The following STK24 variants were observed in gnomAD, a reference collection of about 807,000 sequenced individuals.
STK24 encodes serine/threonine kinase 24, also known as serine/threonine-protein kinase 24.
In STK24, 21 loss-of-function variants were observed where a neutral mutation model predicts 55.6. The observed-to-expected ratio is 0.38, with a 90% CI of 0.27 to 0.54. The LOEUF (loss-of-function observed/expected upper bound fraction) is 0.54, where lower values mean the gene tolerates loss of function less well. Among genes scored for constraint, STK24 ranks in the 20% least tolerant of loss-of-function variants. STK24 has a pLI of 0.79. For synonymous variants in STK24, 200 were observed against 215.2 expected (o/e 0.93, Z 0.62); for missense variants, 383 against 538.4 (o/e 0.71, Z 2.86).
At chr13:98,573,870 T>C (rs1897804709) in intron 1 of STK24, among the ~76,000 whole-genome samples, 1 of 152,200 alleles carries the variant, frequency 6.6e-6, no homozygotes, top group Non-Finnish European at 1.5e-5. Context: ...TAATATCATC[T>C]ACATCTCAAA....
chr13:98,445,981 A>C lies in STK24; in HGVS notation c.*7192T>G. On this transcript the variant is annotated 3_prime_UTR_variant, in exon 11 of 11. Transcript: ENST00000539966. The stretch of plus-strand genomic sequence containing the variant: ...ACACGGGGGAGCGGGGGTGGGGCCC[A>C]CATCCTTCAGTCACGGACATGCCCC... The C allele has an allele frequency of 1.5e-6, 1 of 676,162 alleles. No individual in the cohort carries two copies. Among genetic ancestry groups the C allele is most frequent in the East Asian group, 2.7e-5 (1 of 37,132 alleles). The allele number at this position is 676,162 out of a possible 1,614,324, so 41.9% of individuals were successfully genotyped here.
intron 2 of STK24, among the ~76,000 whole-genome samples, chr13:98,509,599 T>C (rs887567685): frequency 4.6e-5 from 7 of 152,244 alleles, no homozygotes; most frequent in African/African-American, 1.2e-4. Flanking sequence ...CAAGTTTAAC[T>C]TTCTCATACC....
intron 1 of STK24, among the ~76,000 whole-genome samples, chr13:98,520,272 A>C (rs1269451006): frequency 6.6e-6 from 1 of 152,220 alleles, no homozygotes; most frequent in Non-Finnish European, 1.5e-5. Context: ...GATGTTTAGC[A>C]AGGCAAGACA....
At position 98,450,029 on chromosome 13, in the gene STK24, TTATTTC is replaced by T. The variant is rs1239640751; in HGVS notation, c.*3138_*3143del. 21 of 83,626 alleles carry T rather than the reference TTATTTC, an allele frequency of 2.5e-4. No individual in the cohort carries two copies. Among genetic ancestry groups the T allele is most frequent in the African/African-American group, 7.3e-4 (18 of 24,784 alleles). The allele number at this position is 83,626 out of a possible 1,614,324, so 5.2% of individuals were successfully genotyped here. ...GGGACAAGGCAGTCTCCTCAGCTAT[TTATTTC>T]TGAATGATTGATTGATTCCAAACTA... On this transcript the variant is annotated 3_prime_UTR_variant, in exon 11 of 11. Coordinates refer to ENST00000539966, the MANE Select transcript of STK24 (RefSeq NM_001032296.4).
intron 1 of STK24, among the ~76,000 whole-genome samples, chr13:98,575,793 T>G (rs1439950668): frequency 6.6e-6 from 1 of 152,190 alleles, no homozygotes; most frequent in Non-Finnish European, 1.5e-5. Context: ...ATTTCCATCC[T>G]AAGCATTTTG....
At chr13:98,564,579 C>T (rs557875852) in intron 1 of STK24, among the ~76,000 whole-genome samples, 38 of 152,324 alleles carry the variant, frequency 2.5e-4, no homozygotes, top group Admixed American at 3.3e-4. Flanking sequence ...GAGTTTTAGG[C>T]TGGCGTCTAC....
intron 6 of STK24, among the ~76,000 whole-genome samples, chr13:98,465,497 T>C (rs1306219356): frequency 6.6e-6 from 1 of 152,206 alleles, no homozygotes; most frequent in Non-Finnish European, 1.5e-5. Flanking sequence ...ATGCAGAGCA[T>C]CGTGGCATGC....
rs2094855396 is a variant in STK24, at chr13:98,499,245, A to G, written c.274-16924T>C. ...AAAGCAAGACTCTATCTCAAAAAAA[A>G]AAACCAGCTTCAAGTAAGGGCCTAA... is the stretch of plus-strand genomic sequence containing the variant. On this transcript the variant is annotated intron_variant, in intron 2 of 10. Transcript: ENST00000539966. Among the ~76,000 whole-genome samples, 31 of 152,062 alleles carry G rather than the reference A, an allele frequency of 2.0e-4. 1 individual carries two copies. The highest frequency in any genetic ancestry group is 2.0e-3 in the Admixed American group (31 of 15,272).
intron 1 of STK24, among the ~76,000 whole-genome samples, chr13:98,561,964 TGAGA>T (rs1897433129): frequency 8.8e-6 from 1 of 113,366 alleles, no homozygotes; most frequent in African/African-American, 3.6e-5. Context: ...GTCAACAGAG[TGAGA>T]CTCCGTCTCA....
chr13:98,467,053 C>G (rs745638), intron 5 of STK24, among the ~76,000 whole-genome samples: 38,305 of 152,116 alleles, frequency 0.25, 4,975 homozygotes, highest in Non-Finnish European at 0.29. Flanking sequence ...CCTCTGAGCC[C>G]TGTTTCTCTC....
rs1893007954 is a variant in STK24, at chr13:98,448,534, G to A, written c.*4639C>T. ...TCCAGTCCTGGCATCCGCTGGGGGCGCTGTTCTTTAGCTAGTGCCAGTATT... is the reference window on the plus strand; with the variant it reads ...TCCAGTCCTGGCATCCGCTGGGGGCACTGTTCTTTAGCTAGTGCCAGTATT... On this transcript the variant is annotated 3_prime_UTR_variant, in exon 11 of 11. Coordinates refer to ENST00000539966, the MANE Select transcript of STK24 (RefSeq NM_001032296.4). The A allele has an allele frequency of 3.6e-6, 2 of 561,692 alleles. No individual in the cohort carries two copies. The highest frequency in any genetic ancestry group is 3.2e-5 in the Admixed American group (1 of 31,262). The allele number at this position is 561,692 out of a possible 1,614,324, so 34.8% of individuals were successfully genotyped here. A position where few individuals can be genotyped will look rare whatever the true frequency, so the allele number is the denominator to read the frequency against.
rs1321235562 is a variant in STK24, at chr13:98,576,808, C to G, written c.-22G>C. 7.5e-7 allele frequency: 1 copy of G among 1,340,866 alleles called. No homozygotes were observed. Among genetic ancestry groups the G allele is most frequent in the Admixed American group, 3.1e-5 (1 of 32,538 alleles). 83.1% of individuals were successfully genotyped at this position (1,340,866 alleles called of 1,614,324 possible). ...CCATGGCGCTCAGGACGGCCACTTC[C>G]TGGGACGGGACGGCCGGGCCGCGAC... On this transcript the variant is annotated 5_prime_UTR_variant, in exon 1 of 11. Transcript: ENST00000539966.
At chr13:98,468,381 AAT>A (rs368714743) in intron 5 of STK24, among the ~76,000 whole-genome samples, 71 of 152,366 alleles carry the variant, frequency 4.7e-4, no homozygotes, top group African/African-American at 1.7e-3. Flanking sequence ...TTATCTTAAA[AAT>A]CAGCAGAAAT....
intron 1 of STK24, among the ~76,000 whole-genome samples, chr13:98,556,107 C>CT (rs1344888747): frequency 2.0e-5 from 3 of 152,200 alleles, no homozygotes; most frequent in Non-Finnish European, 4.4e-5. Flanking sequence ...AGGAAGAACT[C>CT]TATCTTTCCT....
chr13:98,515,452 A>C (rs1405912560), intron 2 of STK24, among the ~76,000 whole-genome samples: 3 of 151,914 alleles, frequency 2.0e-5, no homozygotes, highest in Non-Finnish European at 4.4e-5. Flanking sequence ...ACAACGGGTG[A>C]AGTTTTTTCC....
intron 3 of STK24, among the ~76,000 whole-genome samples, chr13:98,480,682 T>C (rs1373359432): frequency 6.6e-6 from 1 of 152,242 alleles, no homozygotes; most frequent in East Asian, 1.9e-4. Flanking sequence ...ACATATAGTT[T>C]CAGAAGTTTA....
At chr13:98,525,988 C>A (rs149215659) in intron 1 of STK24, among the ~76,000 whole-genome samples, 1 of 152,204 alleles carries the variant, frequency 6.6e-6, no homozygotes, top group Non-Finnish European at 1.5e-5. Context: ...AGAGCCACCA[C>A]GCCCGCCCGA....
At chr13:98,526,997 A>G (rs565048237) in intron 1 of STK24, among the ~76,000 whole-genome samples, 3 of 152,372 alleles carry the variant, frequency 2.0e-5, no homozygotes, top group African/African-American at 7.2e-5. Context: ...TGTATGTGTC[A>G]GATTCCCTGA....
chr13:98,524,992 G>C (rs1490782242), intron 1 of STK24, among the ~76,000 whole-genome samples: 1 of 152,234 alleles, frequency 6.6e-6, no homozygotes, highest in East Asian at 1.9e-4. Context: ...CTGGCAAGAA[G>C]GCAGCCATCT....
Sources: allele counts gnomAD v4.1 joint callset (sites outside exome capture counted in the v4.1 genomes callset), GRCh38; gene constraint gnomAD v4.1.1; transcripts MANE v1.5; gene names NCBI Gene and HGNC (gene_info 2026-07-23, HGNC 2026-07-21).